The following DGKE variants were observed in gnomAD, a reference collection of about 807,000 sequenced individuals.
DGKE encodes the protein diacylglycerol kinase epsilon, also known as DAG kinase epsilon.
Under a neutral mutation model 70.0 loss-of-function variants are expected in DGKE, and 53 were observed. That is an observed-to-expected ratio of 0.76 (90% CI 0.61 to 0.95). DGKE has a LOEUF of 0.95. Among genes scored for constraint, DGKE ranks in the 40% least tolerant of loss-of-function variants. The pLI is 0.00. For missense variants in DGKE, 655 were observed against 706.9 expected (o/e 0.93, Z 0.83); for synonymous variants, 291 against 257.0 (o/e 1.13, Z -1.27).
rs550501871 is a variant in DGKE at position 56,842,716 on chromosome 17, T to C, written c.465-1303T>C. Among the ~76,000 whole-genome samples the C allele has an allele frequency of 1.4e-4, 22 of 152,332 alleles. No homozygotes were observed. The South Asian group carries it at 4.6e-3, about 32-fold the overall frequency. On this transcript the variant is annotated intron_variant, in intron 2 of 11. Transcript: ENST00000284061. ...TAAAATAGAAGGTCACCAGAGGACC[T>C]CTGGGTGAAAGAATGTTTATCCTCT...
At position 56,845,673 on chromosome 17, in the gene DGKE, A is replaced by G. The variant is rs1448830511; in HGVS notation, c.625-17A>G. The G allele has an allele frequency of 1.9e-6, 3 of 1,601,582 alleles. No homozygotes were observed. Among genetic ancestry groups the G allele is most frequent in the Admixed American group, 1.8e-5 (1 of 57,102 alleles). ...TTTAAGATACTAAACCTTTTCACTC[A>G]TGGCAATTTTTTTTAGCTAGCCTCT... On this transcript the variant is annotated splice_polypyrimidine_tract_variant and intron_variant, in intron 3 of 11. Transcript: ENST00000284061.
At chr17:56,834,438 C>T (rs894634083) in intron 1 of DGKE, among the ~76,000 whole-genome samples, 178 bp downstream of exon 1, 6 of 152,244 alleles carry the variant, frequency 3.9e-5, no homozygotes, top group African/African-American at 7.2e-5. Flanking sequence ...CCTGAACGCC[C>T]GGCCTTTCGG....
Position 56,834,927 on chromosome 17 carries a change from G to A in DGKE, c.132G>A (p.Arg44=), listed in dbSNP as rs1906487256. 7 of 1,613,552 alleles carry A rather than the reference G, an allele frequency of 4.3e-6. No homozygotes were observed. In the East Asian group the frequency reaches 8.9e-5, roughly 21 times the overall value. The change falls in exon 2 of 12, where the codon CGG becomes CGA. Residue 44 remains arginine (R), a synonymous_variant. Coordinates refer to ENST00000284061, the MANE Select transcript of DGKE (RefSeq NM_003647.3). ...VFITFWCSLQ[R]SRRQLHRRDI... The stretch of plus-strand genomic sequence containing the variant: ...TCACCTTCTGGTGTAGCCTCCAGCG[G>A]TCGCGCCGGCAGCTGCACCGCAGGG...
rs1412100676 is a variant in DGKE, at chr17:56,863,406, G to A, written c.*615G>A. ...TAGGAACTTATTCAGACACGTAAATGTTGTTTAATTCTGTAGGTAACCATT... is the reference window on the plus strand; with the variant it reads ...TAGGAACTTATTCAGACACGTAAATATTGTTTAATTCTGTAGGTAACCATT... On this transcript the variant is annotated 3_prime_UTR_variant, in exon 12 of 12. Transcript: ENST00000284061. The A allele has an allele frequency of 6.6e-6, 1 of 152,186 alleles. No homozygotes were observed. The highest frequency in any genetic ancestry group is 1.5e-5 in the Non-Finnish European group (1 of 68,038). The allele number at this position is 152,186 out of a possible 1,614,324, so 9.4% of individuals were successfully genotyped here. A position where few individuals can be genotyped will look rare whatever the true frequency, so the allele number is the denominator to read the frequency against.
At chr17:56,840,383 G>T (rs947374800) in intron 2 of DGKE, among the ~76,000 whole-genome samples, 6 of 152,002 alleles carry the variant, frequency 3.9e-5, no homozygotes, top group Non-Finnish European at 7.4e-5. Context: ...TGTTGTTGTT[G>T]TTGTTGTTTT....
intron 7 of DGKE, 102 bp from the exon 8 acceptor site, chr17:56,856,410 T>A: frequency 7.8e-7 from 1 of 1,289,824 alleles, no homozygotes; most frequent in Non-Finnish European, 1.1e-6. Context: ...GCAGAAAGCA[T>A]CTCCATTGTC....
Position 56,867,395 on chromosome 17 carries a change from T to C in DGKE, c.*4604T>C, listed in dbSNP as rs759082356. Reference sequence around the variant, plus strand: ...GAGGCGTATCACCTGAGGTCAGGAGTTTGAGACAAGCCTGGTCAACATGGT... The same window carrying C: ...GAGGCGTATCACCTGAGGTCAGGAGCTTGAGACAAGCCTGGTCAACATGGT... On this transcript the variant is annotated 3_prime_UTR_variant, in exon 12 of 12. Transcript: ENST00000284061. The C allele has an allele frequency of 2.6e-5, 4 of 151,822 alleles. No homozygotes were observed. The highest frequency in any genetic ancestry group is 4.8e-5 in the African/African-American group (2 of 41,292). The allele number at this position is 151,822 out of a possible 1,614,324, so 9.4% of individuals were successfully genotyped here.
In DGKE at chr17:56,835,164, G is replaced by GCC. The variant is rs758893686; in HGVS notation, c.372_373dup (p.His125ProfsTer45). The GCC allele has an allele frequency of 3.4e-5, 55 of 1,613,992 alleles. No individual in the cohort carries two copies. Among genetic ancestry groups the GCC allele is most frequent in the Non-Finnish European group, 4.5e-5 (53 of 1,180,060 alleles). ...ATGACACCAAGGTCCTGGACGCCAT[G>GCC]CCCCACCACTGGATCCGGGGCAACG... On this transcript the variant is annotated frameshift_variant, in exon 2 of 12. Coordinates refer to ENST00000284061, the MANE Select transcript of DGKE (RefSeq NM_003647.3). LOFTEE classifies it high-confidence loss of function.
chr17:56,857,726 T>C (rs76587886), intron 8 of DGKE, among the ~76,000 whole-genome samples: 2,660 of 152,302 alleles, frequency 0.017, 82 homozygotes, highest in African/African-American at 0.061. Context: ...TCGAATATTT[T>C]TCTTTATAAA....
At chr17:56,835,869 A>C (rs1906584235) in intron 2 of DGKE, 1 of 152,680 alleles carries the variant, frequency 6.5e-6, no homozygotes, top group Non-Finnish European at 1.5e-5. Context: ...AATGTCTTTT[A>C]TATACACACT....
chr17:56,858,409 AG>A (rs747445570), intron 8 of DGKE, among the ~76,000 whole-genome samples, 184 bp from the exon 9 acceptor site: 8 of 152,218 alleles, frequency 5.3e-5, no homozygotes, highest in South Asian at 2.1e-4. Flanking sequence ...GGTGTTGGAT[AG>A]GGCCAGAGGT....
chr17:56,861,937 T>C lies in DGKE; in HGVS notation c.1412+19T>C, dbSNP rs990039416. The C allele has an allele frequency of 2.5e-6, 4 of 1,570,528 alleles. No homozygotes were observed. Among genetic ancestry groups the C allele is most frequent in the Non-Finnish European group, 3.4e-6 (4 of 1,164,248 alleles). ...TAGCCAGGTATGTACATTTGTGGTC[T>C]GTTTTTTTATGTCACTATTTTATTT... is the stretch of plus-strand genomic sequence containing the variant. On this transcript the variant is annotated intron_variant, in intron 10 of 11. Transcript: ENST00000284061.
chr17:56,853,510 C>A (rs905983991), intron 7 of DGKE, among the ~76,000 whole-genome samples: 1 of 152,086 alleles, frequency 6.6e-6, no homozygotes, highest in African/African-American at 2.4e-5. Flanking sequence ...TTTCATTGTT[C>A]TGCATGTGGA....
chr17:56,860,315 A>AAGGAGACTAGCC (rs1908215998), intron 9 of DGKE, among the ~76,000 whole-genome samples: 1 of 152,050 alleles, frequency 6.6e-6, no homozygotes, highest in African/African-American at 2.4e-5. Context: ...AGGTGGGAGG[A>AAGGAGACTAGCC]TTGCTTGAGG....
intron 4 of DGKE, chr17:56,847,719 G>A (rs1018327458): frequency 3.6e-6 from 1 of 280,138 alleles, no homozygotes; most frequent in Admixed American, 5.2e-5. Context: ...AATAGAATGA[G>A]GCTAACTCTT....
intron 6 of DGKE, 135 bp downstream of exon 6, chr17:56,848,988 C>A: frequency 7.6e-7 from 1 of 1,319,066 alleles, no homozygotes; most frequent in Non-Finnish European, 1.0e-6. Context: ...TACACAGATA[C>A]TGGTGTTTTG....
At chr17:56,840,285 A>G (rs965506944) in intron 2 of DGKE, among the ~76,000 whole-genome samples, 10 of 152,194 alleles carry the variant, frequency 6.6e-5, no homozygotes, top group African/African-American at 1.7e-4. Context: ...TGTTAGGACA[A>G]GTGCTCTTGG....
intron 7 of DGKE, among the ~76,000 whole-genome samples, chr17:56,853,437 G>C (rs1907766784): frequency 6.6e-6 from 1 of 152,132 alleles, no homozygotes. Context: ...GTTTCAGGTT[G>C]TACATTTAAG....
chr17:56,858,059 G>A (rs1239730741), intron 8 of DGKE, among the ~76,000 whole-genome samples: 3 of 120,806 alleles, frequency 2.5e-5, no homozygotes, highest in East Asian at 2.5e-4. Context: ...GTGACAGAGC[G>A]AGACTCCATC....
Sources: allele counts gnomAD v4.1 joint callset (sites outside exome capture counted in the v4.1 genomes callset), GRCh38; gene constraint gnomAD v4.1.1; transcripts MANE v1.5; gene names NCBI Gene and HGNC (gene_info 2026-07-23, HGNC 2026-07-21).